The following ECM2 variants were observed in gnomAD, a reference collection of about 807,000 sequenced individuals.
ECM2 encodes extracellular matrix protein 2.
Under a neutral mutation model 67.5 loss-of-function variants are expected in ECM2, and 57 were observed. The observed-to-expected ratio is 0.84, with a 90% CI of 0.68 to 1.05. ECM2 has a LOEUF of 1.05. Among genes scored for constraint, ECM2 ranks in the 50% least tolerant of loss-of-function variants. The pLI is 0.00. For synonymous variants in ECM2, 258 were observed against 294.5 expected, an observed-to-expected ratio of 0.88 and a Z score of 1.27; for missense variants, 741 against 822.8, an observed-to-expected ratio of 0.90 and a Z score of 1.22.
chr9:92,556,666 T>C, the ECM2 span, among the ~76,000 whole-genome samples: 1 of 152,212 alleles, frequency 6.6e-6, no homozygotes, highest in Non-Finnish European at 1.5e-5. Flanking sequence ...TGCTCACTTT[T>C]GGTGTCTATT....
At chr9:92,548,198 T>C in the ECM2 span, among the ~76,000 whole-genome samples, 2 of 148,584 alleles carry the variant, frequency 1.3e-5, no homozygotes, top group African/African-American at 5.2e-5. Flanking sequence ...TAATCCACCA[T>C]GCTGATGGTT....
chr9:92,546,910 T>C, the ECM2 span, among the ~76,000 whole-genome samples: 3 of 152,200 alleles, frequency 2.0e-5, no homozygotes, highest in African/African-American at 7.2e-5. Context: ...CACAGGTCTC[T>C]ATATTCTTCA....
chr9:92,537,112 G>A (rs935993765), upstream of ECM2, among the ~76,000 whole-genome samples: 4 of 151,536 alleles, frequency 2.6e-5, no homozygotes, highest in Non-Finnish European at 5.9e-5. Flanking sequence ...TTGACCTCAT[G>A]TGATCCACCC....
rs750655996 is a variant in ECM2, at chr9:92,505,586, G to A, written c.1411C>T (p.Leu471=). Residue 471 remains leucine, a synonymous_variant, in exon 7 of 10, where the codon CTG becomes TTG. Coordinates refer to ENST00000344604, the MANE Select transcript of ECM2 (RefSeq NM_001393.4). ...ATAATTCTAAATTTATTTTTTCCCA[G>A]ACGCAAGTAGGCTAGGCTCTTCAAA... is the stretch of plus-strand genomic sequence containing the variant. The part of the protein sequence containing the change: ...KPLKSLAYLR[L]GKNKFRIIPQ... 1 of 1,608,744 alleles carries A rather than the reference G, an allele frequency of 6.2e-7. No homozygotes were observed. Among genetic ancestry groups the A allele is most frequent in the Non-Finnish European group, 8.5e-7 (1 of 1,178,746 alleles).
upstream of ECM2, among the ~76,000 whole-genome samples, chr9:92,539,900 G>T (rs1849278126): frequency 6.6e-6 from 1 of 152,108 alleles, no homozygotes; most frequent in South Asian, 2.1e-4. Flanking sequence ...AATAGAATGG[G>T]CTTTTTGAGT....
chr9:92,550,460 A>G, the ECM2 span, among the ~76,000 whole-genome samples: 1 of 152,082 alleles, frequency 6.6e-6, no homozygotes, highest in African/African-American at 2.4e-5. Flanking sequence ...GGAATAATCT[A>G]ATGAAATAGT....
intron 6 of ECM2, among the ~76,000 whole-genome samples, 198 bp from the exon 7 acceptor site, chr9:92,505,888 T>TGGTCCTGGTTG (rs1430382010): frequency 6.6e-6 from 1 of 152,116 alleles, no homozygotes; most frequent in Non-Finnish European, 1.5e-5. Flanking sequence ...CAGAACTAAA[T>TGGTCCTGGTTG]GCATGGTCCA....
At chr9:92,502,804 CTTTTT>C (rs34408968) in intron 7 of ECM2, 152 bp from the exon 8 acceptor site, 2,300 of 294,370 alleles carry the variant, frequency 7.8e-3, no homozygotes, top group Middle Eastern at 9.8e-3. Flanking sequence ...TTTAAGTTGT[CTTTTT>C]TTTTTTTTTT....
upstream of ECM2, among the ~76,000 whole-genome samples, chr9:92,540,806 A>G (rs1225822320): frequency 2.0e-5 from 3 of 152,010 alleles, no homozygotes; most frequent in Non-Finnish European, 2.9e-5. Flanking sequence ...TGAGAATATA[A>G]TAAGGAATCA....
intron 1 of ECM2, among the ~76,000 whole-genome samples, chr9:92,530,337 T>C (rs1213328664): frequency 6.6e-6 from 1 of 152,162 alleles, no homozygotes; most frequent in African/African-American, 2.4e-5. Context: ...GAGATTTTGA[T>C]AGTAGGGGAA....
chr9:92,526,470 TCAA>T (rs1288260928), intron 1 of ECM2, among the ~76,000 whole-genome samples: 9 of 151,552 alleles, frequency 5.9e-5, no homozygotes, highest in Non-Finnish European at 1.2e-4. Flanking sequence ...AACACCTACA[TCAA>T]CAAGTAGAAA....
the ECM2 span, among the ~76,000 whole-genome samples, chr9:92,545,627 T>C: frequency 6.7e-4 from 102 of 151,948 alleles, no homozygotes; most frequent in Non-Finnish European, 1.3e-3. Flanking sequence ...GGCTGAGGAG[T>C]GCGGGCACAG....
chr9:92,545,318 C>T, the ECM2 span, among the ~76,000 whole-genome samples: 1 of 152,176 alleles, frequency 6.6e-6, no homozygotes, highest in African/African-American at 2.4e-5. Flanking sequence ...ACTTGCAGGC[C>T]AGCTAGAGTT....
At chr9:92,522,061 G>A (rs970288169) in intron 2 of ECM2, among the ~76,000 whole-genome samples, 11 of 151,938 alleles carry the variant, frequency 7.2e-5, no homozygotes, top group African/African-American at 2.7e-4. Context: ...TTGGTTTTTT[G>A]GGGGTTGTTT....
chr9:92,505,827 C>G (rs1281174008), intron 6 of ECM2, 137 bp from the exon 7 acceptor site: 1 of 664,974 alleles, frequency 1.5e-6, no homozygotes, highest in Non-Finnish European at 2.5e-6. Context: ...TTGTATCCTC[C>G]TATAAAACCT....
chr9:92,546,481 A>G, the ECM2 span, among the ~76,000 whole-genome samples: 14 of 152,308 alleles, frequency 9.2e-5, no homozygotes, highest in African/African-American at 3.1e-4. Flanking sequence ...CGAGTCCACG[A>G]ACCCACTGGG....
At chr9:92,540,068 A>G (rs2131307203), upstream of ECM2, among the ~76,000 whole-genome samples, 1 of 152,364 alleles carries the variant, frequency 6.6e-6, no homozygotes, top group South Asian at 2.1e-4. Flanking sequence ...ATAAATTTTT[A>G]AAGTGCACAG....
At chr9:92,508,708 C>T (rs1482231207) in intron 6 of ECM2, among the ~76,000 whole-genome samples, 1 of 152,086 alleles carries the variant, frequency 6.6e-6, no homozygotes, top group Admixed American at 6.5e-5. Flanking sequence ...TGAGTATTTC[C>T]ATAACTAATC....
At position 92,521,651 on chromosome 9, in the gene ECM2, C is replaced by G. The variant is rs545638244; in HGVS notation, c.292+924G>C. On this transcript the variant is annotated intron_variant, in intron 2 of 9. Coordinates refer to ENST00000344604, the MANE Select transcript of ECM2 (RefSeq NM_001393.4). ...CTTCCAAATTTGGAAAAATGTAAAC[C>G]ATTTAATACGTTTTTAAAAATGCCT... 5.3e-5 allele frequency among the ~76,000 whole-genome samples: 8 copies of G among 152,138 alleles called. No individual in the cohort carries two copies. The South Asian group carries it at 1.7e-3, about 32-fold the overall frequency.
Sources: gnomAD v4.1 joint callset for allele counts (sites outside exome capture counted in the v4.1 genomes callset) on GRCh38, gnomAD v4.1.1 for gene constraint, MANE v1.5 for transcripts, NCBI Gene and HGNC (gene_info 2026-07-23, HGNC 2026-07-21) for gene names.